The following IL17RA variants were observed in gnomAD, a reference collection of about 807,000 sequenced individuals.
IL17RA encodes the protein interleukin-17 receptor A.
IL17RA carries 34 observed loss-of-function variants against 50.4 expected under a neutral mutation model. The ratio of observed to expected loss-of-function variants is 0.67; its 90% confidence interval spans 0.51 to 0.90. The LOEUF is 0.90. Among genes scored for constraint, IL17RA ranks in the 40% least tolerant of loss-of-function variants. The pLI, the probability that IL17RA is intolerant of heterozygous loss-of-function variation, is 0.00. For synonymous variants in IL17RA, 585 were observed against 510.4 expected (o/e 1.15, Z -1.97); for missense variants, 1,276 against 1,169.8 (o/e 1.09, Z -1.32).
intron 2 of IL17RA, 128 bp downstream of exon 2, chr22:17,097,214 A>C (rs1047307106): frequency 9.0e-6 from 8 of 891,748 alleles, no homozygotes; most frequent in Non-Finnish European, 1.3e-5. Context: ...CATCCGCAGG[A>C]GGGTTCCCGG....
chr22:17,109,128 C>T lies in IL17RA; in HGVS notation c.1909C>T (p.Pro637Ser), dbSNP rs1225010999. The change falls in exon 13 of 13, where the codon CCG (proline) becomes TCG (serine). Residue 637 changes from proline to serine, a missense_variant. By Grantham distance (74) the Pro-to-Ser change is moderately conservative. Transcript: ENST00000319363. ...PGSQACLAID[P>S]LVGEEGGAAV... Reference sequence around the variant, plus strand: ...CTCCCAGGCCTGCCTGGCCATAGACCCGCTGGTCGGGGAGGAAGGAGGAGC... The same window carrying T: ...CTCCCAGGCCTGCCTGGCCATAGACTCGCTGGTCGGGGAGGAAGGAGGAGC... The T allele has an allele frequency of 1.3e-6, 2 of 1,545,260 alleles. No individual in the cohort carries two copies. Among genetic ancestry groups the T allele is most frequent in the Non-Finnish European group, 8.7e-7 (1 of 1,152,646 alleles).
chr22:17,095,698 TA>T (rs145779683), intron 1 of IL17RA, among the ~76,000 whole-genome samples: 6,951 of 152,126 alleles, frequency 0.046, 839 homozygotes, highest in East Asian at 0.33. Context: ...TGACATTTAT[TA>T]GTGTGAGCCT....
Position 17,115,097 on chromosome 22 carries a change from A to G in IL17RA, c.*5277A>G, listed in dbSNP as rs2061462041. The G allele has an allele frequency of 6.6e-6, 1 of 152,252 alleles. No individual in the cohort carries two copies. The highest frequency in any genetic ancestry group is 1.5e-5 in the Non-Finnish European group (1 of 68,048). The allele number at this position is 152,252 out of a possible 1,614,324, so 9.4% of individuals were successfully genotyped here. A position where few individuals can be genotyped will look rare whatever the true frequency, so the allele number is the denominator to read the frequency against. ...TCCGCGTCCCTACTGCACCTGTCAC[A>G]AAGTGCCTTCTGATATGCCTGGCAA... On this transcript the variant is annotated 3_prime_UTR_variant, in exon 13 of 13. Coordinates refer to ENST00000319363, the MANE Select transcript of IL17RA (RefSeq NM_014339.7).
chr22:17,108,440 C>T lies in IL17RA; in HGVS notation c.1221C>T (p.Gly407=), dbSNP rs1316827553. Residue 407 remains glycine (G), a synonymous_variant, in exon 13 of 13, where the codon GGC becomes GGT. Coordinates refer to ENST00000319363, the MANE Select transcript of IL17RA (RefSeq NM_014339.7). ...CCCAGTTCCTGCTCACCGCCTGCGGCACGGAAGTGGCCCTGGACCTGCTGG... is the reference window on the plus strand; with the variant it reads ...CCCAGTTCCTGCTCACCGCCTGCGGTACGGAAGTGGCCCTGGACCTGCTGG... The part of the protein sequence containing the change: ...KFAQFLLTAC[G]TEVALDLLEE... 6.2e-7 allele frequency: 1 copy of T among 1,613,988 alleles called. No individual in the cohort carries two copies. Among genetic ancestry groups the T allele is most frequent in the Non-Finnish European group, 8.5e-7 (1 of 1,180,042 alleles).
At chr22:17,094,691 C>CTCTCTCTATATATATA (rs1448096911) in intron 1 of IL17RA, among the ~76,000 whole-genome samples, 8 of 24,694 alleles carry the variant, frequency 3.2e-4, no homozygotes, top group Non-Finnish European at 5.3e-4. Context: ...CTCTCTCTCT[C>CTCTCTCTATATATATA]TATATATATA....
At chr22:17,092,588 AC>A (rs1037345661) in intron 1 of IL17RA, among the ~76,000 whole-genome samples, 9 of 148,336 alleles carry the variant, frequency 6.1e-5, no homozygotes, top group East Asian at 2.0e-4. Context: ...GGAAGAAACC[AC>A]CCCCCGCCAA....
chr22:17,106,029 G>A (rs975748532), intron 11 of IL17RA, 75 bp downstream of exon 11: 11 of 1,152,374 alleles, frequency 9.5e-6, no homozygotes, highest in Non-Finnish European at 1.2e-5. Context: ...AAGGCAAATC[G>A]CTTTATTCTC....
At chr22:17,102,362 G>T in intron 7 of IL17RA, 60 bp downstream of exon 7, 1 of 1,579,500 alleles carries the variant, frequency 6.3e-7, no homozygotes, top group Non-Finnish European at 8.7e-7. Flanking sequence ...CAAGCCCTGA[G>T]TCTCTTCTCT....
At position 17,109,229 on chromosome 22, in the gene IL17RA, CGCCGCAGAGGAGGGGGCCCTGGTG is replaced by C; in HGVS notation, c.2016_2039del (p.Glu673_Ala680del). The C allele has an allele frequency of 1.3e-6, 2 of 1,494,520 alleles. No individual in the cohort carries two copies. The highest frequency in any genetic ancestry group is 1.8e-6 in the Non-Finnish European group (2 of 1,127,684). 92.6% of individuals were successfully genotyped at this position (1,494,520 alleles called of 1,614,324 possible). A position where few individuals can be genotyped will look rare whatever the true frequency, so the allele number is the denominator to read the frequency against. The stretch of plus-strand genomic sequence containing the variant: ...CGCAGCCCCTCCACACCCTGGTGCT[CGCCGCAGAGGAGGGGGCCCTGGTG>C]GCCGCGGTGGAGCCTGGGCCCCTGG... On this transcript the variant is annotated inframe_deletion, in exon 13 of 13. Transcript: ENST00000319363.
intron 4 of IL17RA, among the ~76,000 whole-genome samples, chr22:17,099,672 C>T (rs1168284193): frequency 6.6e-6 from 1 of 152,066 alleles, no homozygotes; most frequent in Non-Finnish European, 1.5e-5. Flanking sequence ...AAATTAGGAC[C>T]CCCAAACTTG....
chr22:17,089,611 G>A (rs896891452), intron 1 of IL17RA, among the ~76,000 whole-genome samples: 21 of 152,248 alleles, frequency 1.4e-4, no homozygotes, highest in South Asian at 1.2e-3. Context: ...GTGGCCCCAC[G>A]CCTGTAATCC....
At position 17,108,635 on chromosome 22, in the gene IL17RA, A is replaced by G. The variant is rs894521435; in HGVS notation, c.1416A>G (p.Gly472=). The part of the protein sequence containing the change: ...GAPVRLRCDH[G]KPVGDLFTAA... The stretch of plus-strand genomic sequence containing the variant: ...CTGTGCGGCTGCGCTGCGACCACGG[A>G]AAGCCCGTGGGGGACCTGTTCACTG... The change falls in exon 13 of 13, where the codon GGA becomes GGG. Residue 472 remains glycine, a synonymous_variant. Coordinates refer to ENST00000319363, the MANE Select transcript of IL17RA (RefSeq NM_014339.7). 1.9e-6 allele frequency: 3 copies of G among 1,605,644 alleles called. No individual in the cohort carries two copies. The highest frequency in any genetic ancestry group is 1.7e-5 in the Admixed American group (1 of 59,982).
intron 1 of IL17RA, among the ~76,000 whole-genome samples, chr22:17,090,132 C>G (rs1351200306): frequency 6.6e-6 from 1 of 152,200 alleles, no homozygotes; most frequent in Non-Finnish European, 1.5e-5. Context: ...TAGCAGCTCT[C>G]CTGTCTCAGC....
chr22:17,094,703 A>ATATATATATG (rs2061362481), intron 1 of IL17RA, among the ~76,000 whole-genome samples: 24 of 65,856 alleles, frequency 3.6e-4, no homozygotes, highest in Non-Finnish European at 6.1e-4. Context: ...ATATATATAT[A>ATATATATATG]TATATATATA....
chr22:17,109,350 G>A lies in IL17RA; in HGVS notation c.2131G>A (p.Ala711Thr), dbSNP rs1361983195. The change falls in exon 13 of 13, where the codon GCT (alanine) becomes ACT (threonine). Residue 711 changes from alanine to threonine, a missense_variant. Physicochemically the swap from Ala to Thr is moderately conservative, Grantham distance 58 (BLOSUM62 0). Coordinates refer to ENST00000319363, the MANE Select transcript of IL17RA (RefSeq NM_014339.7). ...EACPLLGSPG[A>T]GRNSVLFLPV... ...CTGCCCGCTGCTGGGCAGCCCGGGC[G>A]CTGGGCGAAATAGCGTCCTCTTCCT... The A allele has an allele frequency of 1.3e-6, 2 of 1,595,422 alleles. No homozygotes were observed. Among genetic ancestry groups the A allele is most frequent in the Non-Finnish European group, 1.7e-6 (2 of 1,173,764 alleles).
Position 17,108,943 on chromosome 22 carries a change from G to A in IL17RA, c.1724G>A (p.Arg575Gln), listed in dbSNP as rs1285581737. ...RQLRAALDRFRDWQVRCPDWF... is the reference protein window; with the variant it reads ...RQLRAALDRFQDWQVRCPDWF... The stretch of plus-strand genomic sequence containing the variant: ...CTCCGCGCCGCCCTGGACAGGTTCC[G>A]GGACTGGCAGGTCCGCTGTCCCGAC... The change falls in exon 13 of 13, where the codon CGG becomes CAG. Residue 575 changes from arginine (R) to glutamine (Q), a missense_variant. Arg to Gln is a conservative substitution (Grantham distance 43). Coordinates refer to ENST00000319363, the MANE Select transcript of IL17RA (RefSeq NM_014339.7). 3 of 1,608,886 alleles carry A rather than the reference G, an allele frequency of 1.9e-6. No homozygotes were observed. Among genetic ancestry groups the A allele is most frequent in the Non-Finnish European group, 2.5e-6 (3 of 1,178,864 alleles).
intron 1 of IL17RA, among the ~76,000 whole-genome samples, chr22:17,094,673 C>CTATATA (rs1568917416): frequency 8.4e-5 from 4 of 47,850 alleles, no homozygotes; most frequent in Non-Finnish European, 1.2e-4. Flanking sequence ...CTCTCTCTCT[C>CTATATA]TCTCTCTCTC....
intron 5 of IL17RA, among the ~76,000 whole-genome samples, chr22:17,101,313 T>C (rs1243258977): frequency 6.6e-6 from 1 of 152,208 alleles, no homozygotes; most frequent in Non-Finnish European, 1.5e-5. Flanking sequence ...GAAATGCTTG[T>C]TAAGGATGGT....
Position 17,109,939 on chromosome 22 carries a change from A to T in IL17RA, c.*119A>T. 1 of 994,526 alleles carries T rather than the reference A, an allele frequency of 1.0e-6. No individual in the cohort carries two copies. The allele number at this position is 994,526 out of a possible 1,614,324, so 61.6% of individuals were successfully genotyped here. A position where few individuals can be genotyped will look rare whatever the true frequency, so the allele number is the denominator to read the frequency against. On this transcript the variant is annotated 3_prime_UTR_variant, in exon 13 of 13. Transcript: ENST00000319363. The stretch of plus-strand genomic sequence containing the variant: ...GTTCGTGTGTGAAATGTAGGCTTTA[A>T]AATGTAAATGTCTGGATTTTAATCC...
Sources: allele counts gnomAD v4.1 joint callset (sites outside exome capture counted in the v4.1 genomes callset), GRCh38; gene constraint gnomAD v4.1.1; transcripts MANE v1.5; gene names NCBI Gene and HGNC (gene_info 2026-07-23, HGNC 2026-07-21).